DNER: variants seen among roughly 807,000 people sequenced by gnomAD.
The protein encoded by DNER is delta/notch like EGF repeat containing, also known as delta and Notch-like epidermal growth factor-related receptor.
A neutral mutation model predicts 78.2 loss-of-function variants in DNER; 33 were observed. The ratio of observed to expected loss-of-function variants is 0.42; its 90% CI spans 0.32 to 0.56. The LOEUF (loss-of-function observed/expected upper bound fraction) is 0.56, where lower values mean the gene tolerates loss of function less well. DNER is among the 20% of genes least tolerant of loss of function. The pLI is 0.11. For synonymous variants in DNER, 417 were observed against 384.8 expected (o/e 1.08, Z -0.98); for missense variants, 918 against 975.3 (o/e 0.94, Z 0.78).
At chr2:229,650,621 C>A (rs1340624992) in intron 1 of DNER, among the ~76,000 whole-genome samples, 1 of 152,088 alleles carries the variant, frequency 6.6e-6, no homozygotes, top group Non-Finnish European at 1.5e-5. Flanking sequence ...CATGAACGAC[C>A]ACCACCCCAA....
intron 7 of DNER, among the ~76,000 whole-genome samples, chr2:229,474,892 A>C (rs1450025448): frequency 6.6e-6 from 1 of 152,070 alleles, no homozygotes; most frequent in East Asian, 1.9e-4. Flanking sequence ...CATTCCTAGC[A>C]GCCAACATCT....
intron 1 of DNER, among the ~76,000 whole-genome samples, chr2:229,702,916 CAAAAAA>C (rs775005338): frequency 9.6e-6 from 1 of 103,920 alleles, no homozygotes; most frequent in Non-Finnish European, 1.8e-5. Context: ...GACTCCGCCT[CAAAAAA>C]AAAAAAAAAA....
In DNER at chr2:229,587,712, G is replaced by A. The variant is rs112935169; in HGVS notation, c.680+682C>T. Reference sequence around the variant, plus strand: ...AACTGAAAAGGATGGGCAGTGGGGGGTTGTCAGCCGGCCTGGGGCACCCTA... The same window carrying A: ...AACTGAAAAGGATGGGCAGTGGGGGATTGTCAGCCGGCCTGGGGCACCCTA... On this transcript the variant is annotated intron_variant, in intron 3 of 12. Coordinates refer to ENST00000341772, the MANE Select transcript of DNER (RefSeq NM_139072.4). 6.2e-3 allele frequency among the ~76,000 whole-genome samples: 949 copies of A among 152,226 alleles called. 13 individuals carry two copies. The highest frequency in any genetic ancestry group is 0.022 in the African/African-American group (915 of 41,510).
intron 1 of DNER, among the ~76,000 whole-genome samples, chr2:229,700,062 C>T (rs572020436): frequency 2.6e-5 from 4 of 151,132 alleles, no homozygotes; most frequent in Non-Finnish European, 5.9e-5. Flanking sequence ...TAGGAACAGG[C>T]AATTTCATTA....
At chr2:229,447,264 A>T in intron 8 of DNER, 52 bp downstream of exon 8, 3 of 1,493,248 alleles carry the variant, frequency 2.0e-6, no homozygotes, top group Non-Finnish European at 2.7e-6. Context: ...GTCTTTTGAG[A>T]TTGGTTTGAG....
intron 1 of DNER, among the ~76,000 whole-genome samples, chr2:229,692,886 A>C (rs1369189951): frequency 6.6e-6 from 1 of 151,708 alleles, no homozygotes; most frequent in African/African-American, 2.4e-5. Context: ...ATGTAATATA[A>C]TACATATAAT....
intron 6 of DNER, among the ~76,000 whole-genome samples, chr2:229,485,249 A>G (rs142038055): frequency 1.8e-3 from 280 of 152,302 alleles, no homozygotes; most frequent in Middle Eastern, 0.014. Flanking sequence ...TCGTGCTTTT[A>G]AAGGGTCTGA....
At chr2:229,487,179 G>A (rs1348240960) in intron 6 of DNER, among the ~76,000 whole-genome samples, 1 of 152,110 alleles carries the variant, frequency 6.6e-6, no homozygotes, top group East Asian at 1.9e-4. Context: ...GAGGTCTTGG[G>A]CTCAATTATT....
intron 1 of DNER, among the ~76,000 whole-genome samples, chr2:229,622,089 AAAAC>A (rs1011499826): frequency 4.7e-4 from 71 of 152,328 alleles, no homozygotes; most frequent in Admixed American, 1.3e-3. Context: ...CCGTCTCAAA[AAAAC>A]AAACAAACAA....
At chr2:229,539,753 G>A (rs16826156) in intron 5 of DNER, among the ~76,000 whole-genome samples, 2,504 of 152,176 alleles carry the variant, frequency 0.016, 69 homozygotes, top group African/African-American at 0.057. Flanking sequence ...CACTAATGTC[G>A]AAGAGCTCAC....
intron 4 of DNER, among the ~76,000 whole-genome samples, chr2:229,570,412 C>T (rs1697194556): frequency 6.6e-6 from 1 of 152,138 alleles, no homozygotes; most frequent in Admixed American, 6.5e-5. Context: ...GCTGGCAAAT[C>T]ACCTGAGGTC....
chr2:229,540,206 A>G (rs1410284408), intron 5 of DNER, among the ~76,000 whole-genome samples: 1 of 152,090 alleles, frequency 6.6e-6, no homozygotes, highest in African/African-American at 2.4e-5. Context: ...GGGGAGGTGG[A>G]AGGGTAAGTG....
Position 229,540,041 on chromosome 2 carries a change from G to A in DNER, c.993+6906C>T, listed in dbSNP as rs140800763. 2.9e-3 allele frequency among the ~76,000 whole-genome samples: 440 copies of A among 152,238 alleles called. 2 individuals are homozygous for A. The highest frequency in any genetic ancestry group is 0.01 in the African/African-American group (428 of 41,544). ...CAATGAAGGGAATGCAAAAAATAAT[G>A]AATATAAAGACATATAAGCATAAAT... On this transcript the variant is annotated intron_variant, in intron 5 of 12. Transcript: ENST00000341772.
chr2:229,681,074 A>G (rs1699380791), intron 1 of DNER, among the ~76,000 whole-genome samples: 1 of 152,224 alleles, frequency 6.6e-6, no homozygotes, highest in Non-Finnish European at 1.5e-5. Context: ...AAGTTTAACA[A>G]CCAGCTCTCT....
At chr2:229,657,894 G>A (rs1023980243) in intron 1 of DNER, among the ~76,000 whole-genome samples, 5 of 152,028 alleles carry the variant, frequency 3.3e-5, no homozygotes, top group African/African-American at 7.3e-5. Context: ...AGGGATACCT[G>A]CATTTCAAGG....
intron 5 of DNER, among the ~76,000 whole-genome samples, chr2:229,543,155 TAA>T (rs983190864): frequency 3.4e-5 from 5 of 145,028 alleles, no homozygotes; most frequent in East Asian, 2.1e-4. Context: ...CTTAAAGTAT[TAA>T]AAAAAAAAGA....
chr2:229,675,637 C>A (rs2154216948), intron 1 of DNER, among the ~76,000 whole-genome samples: 1 of 152,292 alleles, frequency 6.6e-6, no homozygotes, highest in African/African-American at 2.4e-5. Flanking sequence ...AAGGATGGTA[C>A]TCCAGGCCTG....
At chr2:229,634,398 A>G (rs920171510) in intron 1 of DNER, among the ~76,000 whole-genome samples, 2 of 152,008 alleles carry the variant, frequency 1.3e-5, no homozygotes, top group Non-Finnish European at 2.9e-5. Flanking sequence ...TCGCCACACT[A>G]CTGCAGCATT....
At chr2:229,487,126 A>G (rs1175910285) in intron 6 of DNER, among the ~76,000 whole-genome samples, 1 of 152,230 alleles carries the variant, frequency 6.6e-6, no homozygotes. Flanking sequence ...AAAAGCCTTT[A>G]GTGATTGCAC....
Sources: allele counts gnomAD v4.1 joint callset (sites outside exome capture counted in the v4.1 genomes callset), GRCh38; gene constraint gnomAD v4.1.1; transcripts MANE v1.5; gene names NCBI Gene and HGNC (gene_info 2026-07-23, HGNC 2026-07-21).